MICU1: variants seen among roughly 807,000 people sequenced by gnomAD.
The protein encoded by MICU1 is calcium uptake protein 1, mitochondrial.
A neutral mutation model predicts 56.8 loss-of-function variants in MICU1; 45 were observed. The observed-to-expected ratio is 0.79, with a 90% CI of 0.62 to 1.02. MICU1 has a LOEUF of 1.02. Among genes scored for constraint, MICU1 ranks in the 50% least tolerant of loss-of-function variants. The pLI is 0.00. For missense variants in MICU1, 504 were observed against 587.1 expected (o/e 0.86, Z 1.46); for synonymous variants, 186 against 195.1 (o/e 0.95, Z 0.39).
At chr10:72,397,086 A>G (rs555553091) in intron 10 of MICU1, among the ~76,000 whole-genome samples, 1 of 152,342 alleles carries the variant, frequency 6.6e-6, no homozygotes, top group South Asian at 2.1e-4. Flanking sequence ...CAGATGTCTC[A>G]GCAGAAACCC....
intron 10 of MICU1, among the ~76,000 whole-genome samples, chr10:72,388,063 C>T (rs760607463): frequency 1.3e-5 from 2 of 152,088 alleles, no homozygotes; most frequent in Non-Finnish European, 2.9e-5. Context: ...TTCAAGGTCA[C>T]AAAACTAGTG....
chr10:72,530,555 G>C (rs572579140), intron 5 of MICU1, among the ~76,000 whole-genome samples: 1 of 151,902 alleles, frequency 6.6e-6, no homozygotes, highest in African/African-American at 2.4e-5. Context: ...TAAAACCAGT[G>C]GTAACCATAG....
At chr10:72,484,946 C>A (rs1247136518) in intron 6 of MICU1, among the ~76,000 whole-genome samples, 1 of 152,122 alleles carries the variant, frequency 6.6e-6, no homozygotes, top group Non-Finnish European at 1.5e-5. Flanking sequence ...AACCTGCTAG[C>A]TAGCTATTTG....
chr10:72,503,390 G>C (rs922022155), intron 6 of MICU1, among the ~76,000 whole-genome samples: 3 of 152,138 alleles, frequency 2.0e-5, no homozygotes, highest in African/African-American at 7.2e-5. Context: ...CCAGCACATA[G>C]ACGACATTTA....
intron 1 of MICU1, among the ~76,000 whole-genome samples, chr10:72,624,670 C>G (rs960057207): frequency 6.6e-6 from 1 of 152,210 alleles, no homozygotes; most frequent in African/African-American, 2.4e-5. Context: ...AGAATATTCA[C>G]TTTTTGTTAA....
intron 8 of MICU1, among the ~76,000 whole-genome samples, chr10:72,455,255 G>A (rs1024047661): frequency 6.6e-6 from 1 of 150,784 alleles, no homozygotes; most frequent in African/African-American, 2.4e-5. Flanking sequence ...AGGAGGCTGA[G>A]GCAGGAAAAG....
At chr10:72,527,454 C>A (rs781420312) in intron 5 of MICU1, among the ~76,000 whole-genome samples, 1 of 152,050 alleles carries the variant, frequency 6.6e-6, no homozygotes, top group Non-Finnish European at 1.5e-5. Flanking sequence ...CCTCTCCCTG[C>A]TGGGCTCAAG....
At chr10:72,375,989 T>C in intron 10 of MICU1, 117 bp from the exon 11 acceptor site, 1 of 956,684 alleles carries the variant, frequency 1.0e-6, no homozygotes. Flanking sequence ...TTAAGTCACA[T>C]TTAAGAAAAT....
At chr10:72,374,457 C>T (rs141827812) in intron 11 of MICU1, among the ~76,000 whole-genome samples, 149 of 152,248 alleles carry the variant, frequency 9.8e-4, no homozygotes, top group Non-Finnish European at 1.7e-3. Context: ...TCAAGTTCAA[C>T]TTAATAACAT....
At position 72,508,292 on chromosome 10, in the gene MICU1, C is replaced by CA. The variant is rs934779781; in HGVS notation, c.538-24dup. The CA allele has an allele frequency of 7.5e-6, 8 of 1,068,826 alleles. No homozygotes were observed. The Admixed American group carries it at 9.1e-5, about 12-fold the overall frequency. 66.2% of individuals were successfully genotyped at this position (1,068,826 alleles called of 1,614,324 possible). A position where few individuals can be genotyped will look rare whatever the true frequency, so the allele number is the denominator to read the frequency against. ...TTTCTATAGAATGTATGGGTCCCAC[C>CA]AAAAGACAAAAATATATAAGTGAAT... On this transcript the variant is annotated intron_variant, in intron 5 of 11. Transcript: ENST00000361114.
At chr10:72,537,205 T>C (rs1589319448) in intron 4 of MICU1, among the ~76,000 whole-genome samples, 1 of 152,220 alleles carries the variant, frequency 6.6e-6, no homozygotes, top group African/African-American at 2.4e-5. Flanking sequence ...TTGTTATGTT[T>C]TGATTTATTT....
intron 9 of MICU1, among the ~76,000 whole-genome samples, chr10:72,417,046 T>C (rs1479063911): frequency 6.6e-5 from 10 of 152,256 alleles, no homozygotes; most frequent in Non-Finnish European, 1.5e-5. Flanking sequence ...TTTAGAAGAC[T>C]GCTTGGCACA....
chr10:72,623,317 AAAAAGAC>A (rs1379799183), intron 1 of MICU1, among the ~76,000 whole-genome samples: 17 of 150,540 alleles, frequency 1.1e-4, no homozygotes, highest in Admixed American at 7.3e-4. Context: ...AAAAAAAAAA[AAAAAGAC>A]AAGAAAAGAA....
At chr10:72,613,087 T>C (rs1343853524) in intron 1 of MICU1, among the ~76,000 whole-genome samples, 2 of 152,104 alleles carry the variant, frequency 1.3e-5, no homozygotes. Flanking sequence ...CTTTCAAACA[T>C]GCAGGAAATT....
intron 10 of MICU1, among the ~76,000 whole-genome samples, chr10:72,383,836 T>C (rs1292396047): frequency 6.6e-6 from 1 of 152,116 alleles, no homozygotes; most frequent in Non-Finnish European, 1.5e-5. Context: ...CTTGGTTCTG[T>C]TGCTCAGGCT....
chr10:72,408,630 T>C (rs1026300959), intron 9 of MICU1, among the ~76,000 whole-genome samples: 2 of 152,210 alleles, frequency 1.3e-5, no homozygotes, highest in Non-Finnish European at 2.9e-5. Context: ...TTTCTAACTG[T>C]GCTCTCCAAT....
intron 6 of MICU1, among the ~76,000 whole-genome samples, chr10:72,488,755 A>G (rs1866555371): frequency 6.6e-6 from 1 of 152,130 alleles, no homozygotes; most frequent in Non-Finnish European, 1.5e-5. Flanking sequence ...CTTGGCCTAT[A>G]GTTTCTATTG....
intron 9 of MICU1, among the ~76,000 whole-genome samples, chr10:72,416,700 G>A (rs1266045369): frequency 1.3e-5 from 2 of 152,106 alleles, no homozygotes; most frequent in African/African-American, 2.4e-5. Context: ...GCTTCTGCTT[G>A]TCAAAATCCT....
intron 5 of MICU1, among the ~76,000 whole-genome samples, chr10:72,517,201 G>A (rs1027991335): frequency 1.3e-5 from 2 of 152,130 alleles, no homozygotes; most frequent in Non-Finnish European, 2.9e-5. Flanking sequence ...TGTGCCTATG[G>A]CTGCTTCTTA....
Sources: gnomAD v4.1 joint callset for allele counts (sites outside exome capture counted in the v4.1 genomes callset) on GRCh38, gnomAD v4.1.1 for gene constraint, MANE v1.5 for transcripts, NCBI Gene and HGNC (gene_info 2026-07-23, HGNC 2026-07-21) for gene names.